The following MICALL2 variants were observed in gnomAD, a reference collection of about 807,000 sequenced individuals.
MICALL2 encodes MICAL-like protein 2.
MICALL2 carries 111 observed loss-of-function variants against 91.1 expected under a neutral mutation model. That is an observed-to-expected ratio of 1.22 (90% CI 1.04 to 1.43). The LOEUF (loss-of-function observed/expected upper bound fraction) is 1.43. Ranked by LOEUF, MICALL2 falls within the 40% of genes most tolerant of loss-of-function variation. The pLI is 0.00. For synonymous variants in MICALL2, 694 were observed against 525.3 expected (o/e 1.32, Z -4.39); for missense variants, 1,556 against 1,236.0 (o/e 1.26, Z -3.88).
chr7:1,456,302 C>A (rs1478735404), intron 1 of MICALL2, among the ~76,000 whole-genome samples: 2 of 152,136 alleles, frequency 1.3e-5, no homozygotes, highest in Non-Finnish European at 2.9e-5. Context: ...CAGACACAGG[C>A]CAGACGCAGT....
chr7:1,455,625 C>A (rs1452701910), intron 1 of MICALL2, among the ~76,000 whole-genome samples: 1 of 149,228 alleles, frequency 6.7e-6, no homozygotes, highest in Non-Finnish European at 1.5e-5. Flanking sequence ...ATGTCCGGAT[C>A]CCCGCCCCCT....
intron 2 of MICALL2, 37 bp from the exon 3 acceptor site, chr7:1,448,798 G>A: frequency 6.2e-7 from 1 of 1,608,252 alleles, no homozygotes; most frequent in Non-Finnish European, 8.5e-7. Flanking sequence ...GGGCAGCTGG[G>A]AGCCCCCTCC....
chr7:1,457,989 T>C (rs113851471), intron 1 of MICALL2, among the ~76,000 whole-genome samples: 2,553 of 152,388 alleles, frequency 0.017, 29 homozygotes, highest in Non-Finnish European at 0.028. Flanking sequence ...GTGCCCAGCA[T>C]CTTCTGCCTG....
intron 6 of MICALL2, among the ~76,000 whole-genome samples, chr7:1,443,877 G>T (rs1780430360): frequency 6.6e-6 from 1 of 152,188 alleles, no homozygotes; most frequent in African/African-American, 2.4e-5. Flanking sequence ...GGAAACTGAT[G>T]CAGCGCCCCC....
chr7:1,447,014 C>T (rs1255753468), intron 4 of MICALL2, among the ~76,000 whole-genome samples, 186 bp from the exon 5 acceptor site: 1 of 152,134 alleles, frequency 6.6e-6, no homozygotes, highest in Non-Finnish European at 1.5e-5. Flanking sequence ...GCCTCTAGCC[C>T]AGCCCTGGGG....
intron 2 of MICALL2, 80 bp from the exon 3 acceptor site, chr7:1,448,841 A>G (rs748561319): frequency 3.0e-5 from 47 of 1,548,766 alleles, no homozygotes; most frequent in Non-Finnish European, 3.9e-5. Context: ...CCTCGACTCA[A>G]AGACACAGTC....
intron 1 of MICALL2, among the ~76,000 whole-genome samples, chr7:1,456,173 C>A (rs758696911): frequency 3.3e-5 from 5 of 151,982 alleles, no homozygotes; most frequent in Non-Finnish European, 5.9e-5. Flanking sequence ...GTAATCCCAG[C>A]GCTTCGGGAG....
At position 1,452,118 on chromosome 7, in the gene MICALL2, C is replaced by G. The variant is rs2128525057; in HGVS notation, c.144-1830G>C. 6.6e-6 allele frequency among the ~76,000 whole-genome samples: 1 copy of G among 152,320 alleles called. No homozygotes were observed. Among genetic ancestry groups the G allele is most frequent in the Non-Finnish European group, 1.5e-5 (1 of 68,012 alleles). On this transcript the variant is annotated intron_variant, in intron 1 of 16. Coordinates refer to ENST00000297508, the MANE Select transcript of MICALL2 (RefSeq NM_182924.4). This position sits in a 1 kb window ranked among gnomAD's most constrained non-coding sequence, Gnocchi z 6.2. ...CCACCGTTTCCAGCTTGGACCCCCTCCCAGGTAACAGGTTTCAGACGGCAG... is the reference window on the plus strand; with the variant it reads ...CCACCGTTTCCAGCTTGGACCCCCTGCCAGGTAACAGGTTTCAGACGGCAG...
intron 9 of MICALL2, chr7:1,439,276 G>A (rs985784333): frequency 1.3e-5 from 6 of 457,052 alleles, no homozygotes; most frequent in South Asian, 6.5e-5. Flanking sequence ...ATGAGTGCTA[G>A]GAATACACAC....
In MICALL2 at chr7:1,452,571, C is replaced by CAGG. The variant is rs1308710351; in HGVS notation, c.144-2286_144-2284dup. Among the ~76,000 whole-genome samples, 1 of 152,168 alleles carries CAGG rather than the reference C, an allele frequency of 6.6e-6. No homozygotes were observed. Among genetic ancestry groups the CAGG allele is most frequent in the Non-Finnish European group, 1.5e-5 (1 of 68,014 alleles). On this transcript the variant is annotated intron_variant, in intron 1 of 16. Transcript: ENST00000297508. The surrounding 1 kb of genome is among the most constrained non-coding windows in gnomAD (Gnocchi z 6.2). ...CAAGTCTGTTTTTTCTCTAAACAAG[C>CAGG]AGGAGGAGGAGGCTGTCTGCCTCCC...
chr7:1,439,263 G>C (rs982501703), intron 9 of MICALL2: 1 of 484,102 alleles, frequency 2.1e-6, no homozygotes, highest in Non-Finnish European at 3.7e-6. Flanking sequence ...ATCCAGGGCA[G>C]CTATGAGTGC....
chr7:1,458,606 C>A (rs954702248), intron 1 of MICALL2, among the ~76,000 whole-genome samples: 8 of 152,264 alleles, frequency 5.3e-5, no homozygotes, highest in African/African-American at 1.9e-4. Flanking sequence ...TAGTCCTCAA[C>A]CCCTGCCACC....
At chr7:1,458,916 G>A (rs1416218866) in intron 1 of MICALL2, among the ~76,000 whole-genome samples, 1 of 152,234 alleles carries the variant, frequency 6.6e-6, no homozygotes, top group Non-Finnish European at 1.5e-5. Flanking sequence ...GAGGGGGACT[G>A]GACTGAAGCC....
chr7:1,437,617 C>T lies in MICALL2; in HGVS notation c.2403-9G>A, dbSNP rs371520837. 1.3e-3 allele frequency: 2,027 copies of T among 1,539,268 alleles called. 43 individuals are homozygous for T. In the South Asian group the frequency reaches 0.022, roughly 17 times the overall value. On this transcript the variant is annotated splice_polypyrimidine_tract_variant and intron_variant, in intron 13 of 16. Transcript: ENST00000297508. ...GACGCTGGGCCTTGGACCTGCCGCA[C>T]AGACACGCGTCTGAGGCCTGACTCT...
chr7:1,455,094 C>T (rs74522883), intron 1 of MICALL2, among the ~76,000 whole-genome samples: 5,526 of 152,306 alleles, frequency 0.036, 337 homozygotes, highest in African/African-American at 0.13. Context: ...ACCTGCTGGA[C>T]GGCTTCCTGC....
rs762405879 is a variant in MICALL2, at chr7:1,439,999, C to T, written c.1892G>A (p.Ser631Asn). 2 of 1,553,030 alleles carry T rather than the reference C, an allele frequency of 1.3e-6. No individual in the cohort carries two copies. The highest frequency in any genetic ancestry group is 1.7e-6 in the Non-Finnish European group (2 of 1,160,824). ...CACGGGGGTCAGGGTGATGTGGACA[C>T]TCCCAGCAAAGCTGCCTGAGACCTT... ...PRKVSGSFAG[S>N]VHITLTPVRP... The change falls in exon 9 of 17, where the codon AGT becomes AAT. Residue 631 changes from serine (S) to asparagine (N), a missense_variant. By Grantham distance (46) the Ser-to-Asn change is conservative. Transcript: ENST00000297508.
rs377097236 is a variant in MICALL2 at position 1,452,498 on chromosome 7, G to A, written c.144-2210C>T. On this transcript the variant is annotated intron_variant, in intron 1 of 16. Transcript: ENST00000297508. The surrounding 1 kb of genome is among the most constrained non-coding windows in gnomAD (Gnocchi z 6.2). ...CTTCCCTAGGGTCACTGACCAAAGC[G>A]GCCATGTCCCCGGAAAGAATGCCCG... Among the ~76,000 whole-genome samples, 2 of 152,134 alleles carry A rather than the reference G, an allele frequency of 1.3e-5. No individual in the cohort carries two copies. The highest frequency in any genetic ancestry group is 2.9e-5 in the Non-Finnish European group (2 of 68,026).
intron 2 of MICALL2, among the ~76,000 whole-genome samples, chr7:1,449,828 T>C (rs189372951): frequency 2.8e-4 from 42 of 152,366 alleles, no homozygotes; most frequent in African/African-American, 9.4e-4. Context: ...AGGACTGGAA[T>C]CCTGGCAGGG....
In MICALL2 at chr7:1,451,797, G is replaced by A. The variant is rs1007142328; in HGVS notation, c.144-1509C>T. Among the ~76,000 whole-genome samples the A allele has an allele frequency of 7.9e-5, 12 of 152,242 alleles. No individual in the cohort carries two copies. The highest frequency in any genetic ancestry group is 4.1e-4 in the South Asian group (2 of 4,838). The stretch of plus-strand genomic sequence containing the variant: ...CAGGAAGGCTGGGCAGGTCTCAAAC[G>A]GAGAAGTGGGGGCCGAGACCCCTGT... On this transcript the variant is annotated intron_variant, in intron 1 of 16. Coordinates refer to ENST00000297508, the MANE Select transcript of MICALL2 (RefSeq NM_182924.4). The surrounding 1 kb of genome is among the most constrained non-coding windows in gnomAD (Gnocchi z 4.5).
Sources: gnomAD v4.1 joint callset for allele counts (sites outside exome capture counted in the v4.1 genomes callset) on GRCh38, gnomAD v4.1.1 for gene constraint, Gnocchi (gnomAD v3.1) non-coding constraint, MANE v1.5 for transcripts, NCBI Gene and HGNC (gene_info 2026-07-23, HGNC 2026-07-21) for gene names.